The following ASTN1 variants were observed in gnomAD, a reference collection of about 807,000 sequenced individuals.
ASTN1 encodes astrotactin 1, also known as astrotactin-1.
A neutral mutation model predicts 140.7 loss-of-function variants in ASTN1; 41 were observed. That is an observed-to-expected ratio of 0.29 (90% CI 0.23 to 0.38). The LOEUF (loss-of-function observed/expected upper bound fraction) is 0.38, where lower values mean the gene tolerates loss of function less well. Among genes scored for constraint, ASTN1 ranks in the 10% least tolerant of loss-of-function variants. The probability of loss-of-function intolerance (pLI) is 1.00; values close to 1 mark genes in which losing one functional copy is unlikely to be tolerated. For synonymous variants in ASTN1, 640 were observed against 652.2 expected (o/e 0.98, Z 0.29); for missense variants, 1,479 against 1,678.8 (o/e 0.88, Z 2.08).
At chr1:176,873,229 G>A (rs889273895) in intron 21 of ASTN1, among the ~76,000 whole-genome samples, 1 of 152,194 alleles carries the variant, frequency 6.6e-6, no homozygotes, top group Non-Finnish European at 1.5e-5. Context: ...TCAGGGAGGG[G>A]TGGATGAGAA....
At chr1:176,992,804 T>C (rs909115163) in intron 8 of ASTN1, among the ~76,000 whole-genome samples, 1 of 152,160 alleles carries the variant, frequency 6.6e-6, no homozygotes, top group Non-Finnish European at 1.5e-5. Flanking sequence ...GATTCTATCA[T>C]TGATTTAGTG....
chr1:176,903,706 T>C (rs748775032), intron 16 of ASTN1, among the ~76,000 whole-genome samples: 7 of 152,220 alleles, frequency 4.6e-5, no homozygotes, highest in Non-Finnish European at 8.8e-5. Context: ...CTTGTTCTTA[T>C]CAAATCCCTT....
intron 1 of ASTN1, among the ~76,000 whole-genome samples, chr1:177,122,093 C>T (rs888457035): frequency 2.0e-5 from 3 of 152,144 alleles, no homozygotes; most frequent in Admixed American, 1.3e-4. Flanking sequence ...AAAAAGAGAT[C>T]GATGGGGACC....
intron 9 of ASTN1, among the ~76,000 whole-genome samples, chr1:176,959,899 T>A (rs1672581985): frequency 6.6e-6 from 1 of 152,094 alleles, no homozygotes; most frequent in African/African-American, 2.4e-5. Context: ...TATCAAGCAG[T>A]AGGTCTGTGC....
intron 1 of ASTN1, among the ~76,000 whole-genome samples, chr1:177,117,231 T>C (rs1681138471): frequency 6.6e-6 from 1 of 152,088 alleles, no homozygotes; most frequent in Admixed American, 6.5e-5. Context: ...AGTGACCAAG[T>C]CCTCCAGCTT....
At chr1:177,159,058 A>C (rs1683368087) in intron 1 of ASTN1, among the ~76,000 whole-genome samples, 1 of 134,684 alleles carries the variant, frequency 7.4e-6, no homozygotes, top group Non-Finnish European at 1.6e-5. Context: ...CAAAGCGAGG[A>C]TCCATCTCAA....
In ASTN1 at chr1:176,894,586, T is replaced by C. The variant is rs1232639965; in HGVS notation, c.2916A>G (p.Leu972=). ...EVTKAAPIYE[L]VTNNQTQRLL... The stretch of plus-strand genomic sequence containing the variant: ...CCCTCTGGGTCTGGTTGTTGGTCAC[T>C]AGTTCATAGATGGGGGCTGCTTTGG... Residue 972 remains leucine (L), a synonymous_variant, in exon 17 of 23, where the codon CTA becomes CTG. Coordinates refer to ENST00000361833, the MANE Select transcript of ASTN1 (RefSeq NM_004319.3). 1.2e-6 allele frequency: 2 copies of C among 1,613,918 alleles called. No individual in the cohort carries two copies. The highest frequency in any genetic ancestry group is 1.7e-6 in the Non-Finnish European group (2 of 1,180,018).
In ASTN1 at chr1:176,936,342, C is replaced by G; in HGVS notation, c.2406G>C (p.Gly802=). ...TGMVNFSEVS[G]YPVLQHWKVR... is the part of the protein sequence containing the mutation. ...CCTTCCAGTGCTGCAGCACAGGGTA[C>G]CCAGACACTTCACTGAAGTTCACCA... Residue 802 remains glycine (G), a synonymous_variant, in exon 15 of 23, where the codon GGG becomes GGC. Coordinates refer to ENST00000361833, the MANE Select transcript of ASTN1 (RefSeq NM_004319.3). The G allele has an allele frequency of 6.2e-7, 1 of 1,613,152 alleles. No homozygotes were observed. The highest frequency in any genetic ancestry group is 8.5e-7 in the Non-Finnish European group (1 of 1,179,904).
intron 1 of ASTN1, among the ~76,000 whole-genome samples, chr1:177,116,900 C>T (rs1251869258): frequency 1.3e-5 from 2 of 152,148 alleles, no homozygotes; most frequent in East Asian, 1.9e-4. Context: ...GTGAACCTTG[C>T]TTTCCACTCC....
In ASTN1 at chr1:176,873,341, A is replaced by T. The variant is rs540558796; in HGVS notation, c.3463+3196T>A. On this transcript the variant is annotated intron_variant, in intron 21 of 22. Transcript: ENST00000361833. ...TGATCTCATTACTCACATGAGCTTG[A>T]ACCTACTGGGGGAAGGCTGGTTTCA... is the stretch of plus-strand genomic sequence containing the variant. Among the ~76,000 whole-genome samples, 3 of 152,300 alleles carry T rather than the reference A, an allele frequency of 2.0e-5. No homozygotes were observed. The East Asian group carries it at 5.8e-4, about 29-fold the overall frequency.
intron 16 of ASTN1, among the ~76,000 whole-genome samples, chr1:176,929,018 C>T (rs1050488021): frequency 6.6e-6 from 1 of 152,114 alleles, no homozygotes; most frequent in Non-Finnish European, 1.5e-5. Flanking sequence ...TGGACTTAAG[C>T]AGGAAGGAAG....
chr1:177,131,349 C>CAA (rs1297965060), intron 1 of ASTN1, among the ~76,000 whole-genome samples: 1 of 149,262 alleles, frequency 6.7e-6, no homozygotes, highest in Non-Finnish European at 1.5e-5. Flanking sequence ...GGTATAATTG[C>CAA]AAAAAAAAAG....
intron 16 of ASTN1, among the ~76,000 whole-genome samples, chr1:176,910,762 G>A (rs1386906755): frequency 3.9e-5 from 6 of 152,170 alleles, no homozygotes; most frequent in African/African-American, 2.4e-5. Context: ...GTTAGGAACC[G>A]AGCTGCACAG....
At chr1:176,942,818 G>GTATATATATATA (rs1478728177) in intron 14 of ASTN1, among the ~76,000 whole-genome samples, 5 of 31,948 alleles carry the variant, frequency 1.6e-4, no homozygotes, top group African/African-American at 4.4e-4. Context: ...CTTTGTGTGT[G>GTATATATATATA]TGTATATATA....
At chr1:177,019,938 G>A (rs1051090420) in intron 7 of ASTN1, among the ~76,000 whole-genome samples, 1 of 152,146 alleles carries the variant, frequency 6.6e-6, no homozygotes, top group Non-Finnish European at 1.5e-5. Context: ...TGGCTGGAGT[G>A]CAATGGTGCA....
chr1:176,878,824 T>G (rs529269379), intron 20 of ASTN1, among the ~76,000 whole-genome samples: 3 of 152,144 alleles, frequency 2.0e-5, no homozygotes, highest in African/African-American at 7.2e-5. Flanking sequence ...CATACCCGTG[T>G]TTCCTCCATA....
chr1:176,942,918 C>A (rs999164294), intron 14 of ASTN1, among the ~76,000 whole-genome samples: 4 of 139,378 alleles, frequency 2.9e-5, no homozygotes, highest in African/African-American at 7.8e-5. Flanking sequence ...TGTGCCCTTA[C>A]CACCTTGGGC....
chr1:177,089,391 A>T (rs900437250), intron 1 of ASTN1, among the ~76,000 whole-genome samples: 2 of 152,166 alleles, frequency 1.3e-5, no homozygotes, highest in Admixed American at 6.5e-5. Context: ...TAATGTATTA[A>T]TCTCTGACTC....
chr1:176,878,946 G>T (rs1330034116), intron 20 of ASTN1, among the ~76,000 whole-genome samples: 4 of 152,186 alleles, frequency 2.6e-5, no homozygotes, highest in Non-Finnish European at 5.9e-5. Context: ...TGACACCAGG[G>T]CTCTTGTGCG....
Sources: gnomAD v4.1 joint callset for allele counts (sites outside exome capture counted in the v4.1 genomes callset) on GRCh38, gnomAD v4.1.1 for gene constraint, MANE v1.5 for transcripts, NCBI Gene and HGNC (gene_info 2026-07-23, HGNC 2026-07-21) for gene names.